TM2D1: variants seen among roughly 807,000 people sequenced by gnomAD.
The protein encoded by TM2D1 is TM2 domain-containing protein 1.
Under a neutral mutation model 28.4 loss-of-function variants are expected in TM2D1, and 15 were observed. The ratio of observed to expected loss-of-function variants is 0.53; its 90% CI spans 0.35 to 0.81. TM2D1 has a LOEUF of 0.81. Among genes scored for constraint, TM2D1 ranks in the 40% least tolerant of loss-of-function variants. TM2D1 has a pLI of 0.01. For synonymous variants in TM2D1, 93 were observed against 96.2 expected (o/e 0.97, Z 0.20); for missense variants, 236 against 254.9 (o/e 0.93, Z 0.50).
At chr1:61,713,803 C>G (rs996316423) in intron 2 of TM2D1, among the ~76,000 whole-genome samples, 2 of 151,762 alleles carry the variant, frequency 1.3e-5, no homozygotes, top group Non-Finnish European at 2.9e-5. Flanking sequence ...GGATATTTTC[C>G]AATATACCTT....
At chr1:61,709,481 G>A (rs755322985) in intron 2 of TM2D1, 44 bp from the exon 3 acceptor site, 87 of 1,363,400 alleles carry the variant, frequency 6.4e-5, no homozygotes, top group Non-Finnish European at 8.7e-5. Context: ...TTTTTTTCTG[G>A]AGAAACAGTA....
At chr1:61,706,866 T>C (rs951702390) in intron 3 of TM2D1, among the ~76,000 whole-genome samples, 1 of 80,510 alleles carries the variant, frequency 1.2e-5, no homozygotes, top group Non-Finnish European at 3.4e-5. Context: ...AAGAAAGAAA[T>C]AGTAAACTTT....
intron 2 of TM2D1, among the ~76,000 whole-genome samples, chr1:61,714,212 A>G (rs935552075): frequency 6.7e-6 from 1 of 149,256 alleles, no homozygotes; most frequent in Admixed American, 6.7e-5. Context: ...AAATATTTCT[A>G]GGTGAGTTGA....
At chr1:61,688,592 A>T (rs1312260411) in intron 5 of TM2D1, among the ~76,000 whole-genome samples, 2 of 152,124 alleles carry the variant, frequency 1.3e-5, no homozygotes, top group East Asian at 3.9e-4. Context: ...GCGCGGTGGC[A>T]CATGCCTGTA....
intron 3 of TM2D1, among the ~76,000 whole-genome samples, chr1:61,704,390 C>T (rs769935472): frequency 2.0e-5 from 3 of 152,034 alleles, no homozygotes; most frequent in Admixed American, 6.6e-5. Flanking sequence ...GTGTTTTACA[C>T]TATAAGCCAA....
At chr1:61,682,141 G>T (rs935258597) in intron 6 of TM2D1, among the ~76,000 whole-genome samples, 2 of 152,120 alleles carry the variant, frequency 1.3e-5, no homozygotes, top group African/African-American at 4.8e-5. Context: ...AAGGGCAAAA[G>T]TATACTTCAT....
chr1:61,686,996 A>G (rs1419819983), intron 5 of TM2D1: 8 of 984,522 alleles, frequency 8.1e-6, no homozygotes, highest in Non-Finnish European at 9.6e-6. Flanking sequence ...CCATTTGTCC[A>G]TAGGCAACAG....
intron 5 of TM2D1, among the ~76,000 whole-genome samples, chr1:61,688,072 C>T (rs1305120979): frequency 2.0e-5 from 3 of 152,170 alleles, no homozygotes; most frequent in African/African-American, 7.2e-5. Context: ...ATTCAGAACA[C>T]CTGACTTCAT....
rs368712362 is a variant in TM2D1, at chr1:61,694,718, A to G, written c.492T>C (p.Asp164=). 2 of 1,606,236 alleles carry G rather than the reference A, an allele frequency of 1.2e-6. No individual in the cohort carries two copies. The highest frequency in any genetic ancestry group is 1.7e-6 in the Non-Finnish European group (2 of 1,176,414). ...VGFCGIGSLI[D]FILISMQIVG... ...TTACCTGCATTGAAATAAGAATGAA[A>G]TCAATTAGGCTCCCAATTCCACAAA... The change falls in exon 5 of 7, where the codon GAT becomes GAC. Residue 164 remains aspartate, a synonymous_variant. Transcript: ENST00000606498.
intron 6 of TM2D1, among the ~76,000 whole-genome samples, chr1:61,681,903 T>C (rs1644247452): frequency 6.6e-6 from 1 of 152,222 alleles, no homozygotes; most frequent in Non-Finnish European, 1.5e-5. Context: ...TACTCTCAAC[T>C]TCCTTAGGTC....
rs140877301 is a variant in TM2D1 at position 61,688,565 on chromosome 1, A to C, written c.514-5019T>G. Among the ~76,000 whole-genome samples the C allele has an allele frequency of 1.7e-3, 262 of 152,208 alleles. 2 individuals are homozygous for C. The highest frequency in any genetic ancestry group is 6.1e-3 in the African/African-American group (252 of 41,538). On this transcript the variant is annotated intron_variant, in intron 5 of 6. Transcript: ENST00000606498. The stretch of plus-strand genomic sequence containing the variant: ...TGGTGAAATCCCGTGTTTACTAAAA[A>C]TACAAAAATCAGCTGGGCGCGGTGG...
At chr1:61,687,235 G>A (rs1030496792) in intron 5 of TM2D1, among the ~76,000 whole-genome samples, 1 of 152,068 alleles carries the variant, frequency 6.6e-6, no homozygotes, top group African/African-American at 2.4e-5. Context: ...TATATTAGAG[G>A]TTACCAGAAG....
At chr1:61,713,884 CTTTTTT>C (rs372226143) in intron 2 of TM2D1, among the ~76,000 whole-genome samples, 7 of 106,236 alleles carry the variant, frequency 6.6e-5, no homozygotes, top group South Asian at 3.2e-4. Context: ...CCAAATATTT[CTTTTTT>C]TTTTTTTTTT....
At chr1:61,703,844 C>G (rs886573444) in intron 3 of TM2D1, among the ~76,000 whole-genome samples, 1 of 150,386 alleles carries the variant, frequency 6.6e-6, no homozygotes, top group Non-Finnish European at 1.5e-5. Context: ...ACAACCTCCA[C>G]CTCCCGGATT....
chr1:61,719,409 C>CGG (rs1644544416), intron 2 of TM2D1, among the ~76,000 whole-genome samples: 1 of 149,224 alleles, frequency 6.7e-6, no homozygotes, highest in African/African-American at 2.4e-5. Flanking sequence ...AGTATATACA[C>CGG]AGAGAGAGAG....
intron 2 of TM2D1, among the ~76,000 whole-genome samples, chr1:61,711,109 A>G (rs6587945): frequency 0.94 from 142,680 of 152,112 alleles, 66,981 homozygotes; most frequent in South Asian, 0.97. Flanking sequence ...AGGCCGAGGC[A>G]GATGGATCAC....
In TM2D1 at chr1:61,686,961, T is replaced by A. The variant is rs189357822; in HGVS notation, c.514-3415A>T. 260 of 984,812 alleles carry A rather than the reference T, an allele frequency of 2.6e-4. 1 individual carries two copies. The African/African-American group carries it at 4.2e-3, about 16-fold the overall frequency. The allele number at this position is 984,812 out of a possible 1,614,324, so 61.0% of individuals were successfully genotyped here. On this transcript the variant is annotated intron_variant, in intron 5 of 6. Transcript: ENST00000606498. Reference sequence around the variant, plus strand: ...TAAATTACCCCAATACTGGGAATTTTTTTCCTCAGTAAATATGACCATGTC... The same window carrying A: ...TAAATTACCCCAATACTGGGAATTTATTTCCTCAGTAAATATGACCATGTC...
intron 3 of TM2D1, among the ~76,000 whole-genome samples, chr1:61,703,779 G>A (rs1644421343): frequency 8.7e-6 from 1 of 115,092 alleles, no homozygotes. Context: ...TTTTTGAGAT[G>A]GAGTTTCGCT....
chr1:61,688,164 T>C (rs953647954), intron 5 of TM2D1, among the ~76,000 whole-genome samples: 1 of 152,214 alleles, frequency 6.6e-6, no homozygotes, highest in African/African-American at 2.4e-5. Context: ...AGTCACCATT[T>C]ATATCCTGAG....
Sources: gnomAD v4.1 joint callset for allele counts (sites outside exome capture counted in the v4.1 genomes callset) on GRCh38, gnomAD v4.1.1 for gene constraint, MANE v1.5 for transcripts, NCBI Gene and HGNC (gene_info 2026-07-23, HGNC 2026-07-21) for gene names.